The following ANKDD1A variants were observed in gnomAD, a reference collection of about 807,000 sequenced individuals.
The protein encoded by ANKDD1A is ankyrin repeat and death domain-containing protein 1A.
A neutral mutation model predicts 63.5 loss-of-function variants in ANKDD1A; 59 were observed. The ratio of observed to expected loss-of-function variants is 0.93; its 90% CI spans 0.75 to 1.15. The LOEUF (loss-of-function observed/expected upper bound fraction) is 1.15, where lower values mean the gene tolerates loss of function less well. ANKDD1A is among the 50% of genes most tolerant of loss of function. The pLI, the probability that ANKDD1A is intolerant of heterozygous loss-of-function variation, is 0.00. For missense variants in ANKDD1A, 632 were observed against 656.4 expected (o/e 0.96, Z 0.41); for synonymous variants, 266 against 263.9 (o/e 1.01, Z -0.08).
intron 14 of ANKDD1A, among the ~76,000 whole-genome samples, chr15:64,953,628 T>TTCCTTC (rs1555397850): frequency 8.0e-6 from 1 of 125,632 alleles, no homozygotes; most frequent in Non-Finnish European, 1.7e-5. Flanking sequence ...CTTCTTCTTC[T>TTCCTTC]TCCTTCTTCT....
chr15:64,941,509 T>A (rs1239036945), intron 9 of ANKDD1A, among the ~76,000 whole-genome samples: 1 of 152,208 alleles, frequency 6.6e-6, no homozygotes, highest in Admixed American at 6.5e-5. Context: ...TACAATTACA[T>A]GTCTACAAAT....
intron 1 of ANKDD1A, among the ~76,000 whole-genome samples, chr15:64,912,834 G>A (rs2084941668): frequency 6.6e-6 from 1 of 152,234 alleles, no homozygotes; most frequent in African/African-American, 2.4e-5. Flanking sequence ...GTTGGGGGTG[G>A]GAATGCTCAA....
chr15:64,933,499 C>G (rs1248104230), intron 8 of ANKDD1A, among the ~76,000 whole-genome samples: 1 of 152,158 alleles, frequency 6.6e-6, no homozygotes, highest in Non-Finnish European at 1.5e-5. Context: ...GCAGTGCATG[C>G]TGGGTGGAGT....
chr15:64,953,584 TCTTC>T (rs1311478000), intron 14 of ANKDD1A, among the ~76,000 whole-genome samples: 23 of 146,716 alleles, frequency 1.6e-4, no homozygotes, highest in African/African-American at 5.2e-4. Flanking sequence ...TAGTTCTTCT[TCTTC>T]CTTCTCCTTT....
intron 14 of ANKDD1A, among the ~76,000 whole-genome samples, chr15:64,955,025 TTCCTCTTCTTC>T (rs1187185422): frequency 5.0e-4 from 48 of 96,720 alleles, no homozygotes; most frequent in Admixed American, 3.1e-3. Flanking sequence ...CTTCTTCTTC[TTCCTCTTCTTC>T]TTCTTTCTTT....
At chr15:64,934,257 A>C (rs927799601) in intron 9 of ANKDD1A, 23 bp downstream of exon 9, 5 of 1,600,312 alleles carry the variant, frequency 3.1e-6, no homozygotes, top group African/African-American at 1.3e-5. Flanking sequence ...CGAGTGTTGA[A>C]GGGGGTCTCC....
intron 6 of ANKDD1A, among the ~76,000 whole-genome samples, chr15:64,929,073 G>A (rs1595849730): frequency 6.6e-6 from 1 of 152,264 alleles, no homozygotes; most frequent in Admixed American, 6.5e-5. Flanking sequence ...GCTCGCAGCA[G>A]CCAGCCTGCA....
chr15:64,932,483 G>A (rs1395839364), intron 8 of ANKDD1A: 1 of 152,132 alleles, frequency 6.6e-6, no homozygotes, highest in Admixed American at 6.5e-5. Flanking sequence ...CATCAGTTCT[G>A]CCAGTAAAAA....
intron 3 of ANKDD1A, among the ~76,000 whole-genome samples, 155 bp from the exon 4 acceptor site, chr15:64,921,766 C>T (rs1315550059): frequency 6.6e-6 from 1 of 151,808 alleles, no homozygotes; most frequent in Non-Finnish European, 1.5e-5. Flanking sequence ...AAAAAAAAAT[C>T]TTGGTCTTTA....
chr15:64,951,319 T>TTCTTCTCTTCTTCTTCTTG (rs2085269153), intron 14 of ANKDD1A: 1 of 758,814 alleles, frequency 1.3e-6, no homozygotes, highest in African/African-American at 2.4e-5. Context: ...TCTTCTTCTT[T>TTCTTCTCTTCTTCTTCTTG]CTTCTTTCCT....
At chr15:64,952,594 CCTT>C (rs2085313793) in intron 14 of ANKDD1A, among the ~76,000 whole-genome samples, 3 of 91,384 alleles carry the variant, frequency 3.3e-5, no homozygotes, top group African/African-American at 7.7e-5. Context: ...TCTTCTTCTT[CCTT>C]CGTCTTCTTC....
intron 2 of ANKDD1A, among the ~76,000 whole-genome samples, chr15:64,916,293 TGTC>T (rs1385147949): frequency 6.6e-6 from 1 of 151,586 alleles, no homozygotes; most frequent in Non-Finnish European, 1.5e-5. Context: ...TGTGATAAGT[TGTC>T]GTAAGAGCGT....
intron 1 of ANKDD1A, 80 bp from the exon 2 acceptor site, chr15:64,915,717 T>G: frequency 1.6e-6 from 2 of 1,217,522 alleles, no homozygotes; most frequent in Admixed American, 1.7e-5. Context: ...TGTTCAGGAG[T>G]GGAAATGGGT....
At chr15:64,934,032 A>AG (rs1381238577) in intron 8 of ANKDD1A, 104 bp from the exon 9 acceptor site, 1 of 882,330 alleles carries the variant, frequency 1.1e-6, no homozygotes, top group Non-Finnish European at 1.8e-6. Context: ...TAATACTCCC[A>AG]GGGGTGTTGT....
intron 14 of ANKDD1A, chr15:64,950,506 C>T (rs1345687833): frequency 1.0e-6 from 1 of 985,258 alleles, no homozygotes; most frequent in Non-Finnish European, 1.2e-6. Flanking sequence ...ACTAATCCCT[C>T]ATTAAAAACA....
At chr15:64,954,706 TCTTCTTCTC>T (rs1167808820) in intron 14 of ANKDD1A, among the ~76,000 whole-genome samples, 6 of 126,004 alleles carry the variant, frequency 4.8e-5, no homozygotes, top group African/African-American at 1.9e-4. Flanking sequence ...TTCTTCTCCT[TCTTCTTCTC>T]CTTCTCCTCC....
At chr15:64,912,052 G>A in intron 1 of ANKDD1A, 88 bp downstream of exon 1, 1 of 1,206,828 alleles carries the variant, frequency 8.3e-7, no homozygotes, top group Non-Finnish European at 1.0e-6. Flanking sequence ...TGAGGTTGGC[G>A]CCCTCCGAAC....
intron 6 of ANKDD1A, among the ~76,000 whole-genome samples, chr15:64,927,682 G>A (rs2085057013): frequency 6.9e-6 from 1 of 145,578 alleles, no homozygotes; most frequent in Non-Finnish European, 1.5e-5. Context: ...TTGGCTCACT[G>A]CAAGCTCCGC....
intron 9 of ANKDD1A, among the ~76,000 whole-genome samples, chr15:64,940,178 A>G (rs188105618): frequency 1.2e-4 from 18 of 152,114 alleles, no homozygotes; most frequent in African/African-American, 4.3e-4. Context: ...ACATGAATAG[A>G]CATTTCACTG....
Sources: gnomAD v4.1 joint callset for allele counts (sites outside exome capture counted in the v4.1 genomes callset) on GRCh38, gnomAD v4.1.1 for gene constraint, MANE v1.5 for transcripts, NCBI Gene and HGNC (gene_info 2026-07-23, HGNC 2026-07-21) for gene names.